The following PDE4D variants were observed in gnomAD, a reference collection of about 807,000 sequenced individuals.
PDE4D encodes phosphodiesterase 4D.
In PDE4D, 24 loss-of-function variants were observed where a neutral mutation model predicts 87.4. That is an observed-to-expected ratio of 0.27 (90% CI 0.20 to 0.39). PDE4D has a LOEUF of 0.39. PDE4D is among the 10% of genes least tolerant of loss of function. The probability of loss-of-function intolerance (pLI) is 1.00; values close to 1 mark genes in which losing one functional copy is unlikely to be tolerated. For synonymous variants in PDE4D, 384 were observed against 383.2 expected (o/e 1.00, Z -0.02); for missense variants, 714 against 1,041.0 (o/e 0.69, Z 4.32).
At chr5:60,316,801 C>G (rs927287215) in intron 1 of PDE4D, among the ~76,000 whole-genome samples, 1 of 152,110 alleles carries the variant, frequency 6.6e-6, no homozygotes. Context: ...TACTGATTTG[C>G]GTCTGTTGAA....
At chr5:60,073,753 G>A (rs890641537) in intron 2 of PDE4D, among the ~76,000 whole-genome samples, 1 of 152,078 alleles carries the variant, frequency 6.6e-6, no homozygotes. Flanking sequence ...TTCAGTCTGA[G>A]AGAGTGTATA....
At chr5:58,985,726 C>T (rs1746271655) in intron 11 of PDE4D, among the ~76,000 whole-genome samples, 1 of 152,174 alleles carries the variant, frequency 6.6e-6, no homozygotes, top group Non-Finnish European at 1.5e-5. Context: ...TGGCTTGACA[C>T]ATGGATGCTC....
chr5:60,466,488 A>C (rs1054885538), intron 1 of PDE4D, among the ~76,000 whole-genome samples: 1 of 152,204 alleles, frequency 6.6e-6, no homozygotes, highest in Admixed American at 6.5e-5. Flanking sequence ...GGCTCTATTA[A>C]TCTCTCTCTG....
chr5:60,375,708 G>A (rs1165640807), intron 1 of PDE4D, among the ~76,000 whole-genome samples: 1 of 152,106 alleles, frequency 6.6e-6, no homozygotes, highest in Non-Finnish European at 1.5e-5. Flanking sequence ...GAGGGCACAG[G>A]CTACACAAAA....
chr5:60,091,294 T>C (rs565431147), intron 2 of PDE4D, among the ~76,000 whole-genome samples: 1 of 152,130 alleles, frequency 6.6e-6, no homozygotes, highest in South Asian at 2.1e-4. Context: ...GGTAAAAAAG[T>C]ACATAATCCC....
At chr5:60,146,358 C>A (rs1781000919) in intron 2 of PDE4D, among the ~76,000 whole-genome samples, 1 of 152,236 alleles carries the variant, frequency 6.6e-6, no homozygotes, top group Non-Finnish European at 1.5e-5. Flanking sequence ...AGACTTGTGT[C>A]TCCACCATCA....
chr5:60,129,603 C>T (rs1016616038), intron 2 of PDE4D, among the ~76,000 whole-genome samples: 4 of 152,108 alleles, frequency 2.6e-5, no homozygotes, highest in African/African-American at 4.8e-5. Context: ...GCTGGGCCTG[C>T]ACTCATGTCA....
At chr5:60,209,451 T>C (rs1562221269) in intron 1 of PDE4D, among the ~76,000 whole-genome samples, 1 of 152,164 alleles carries the variant, frequency 6.6e-6, no homozygotes, top group Non-Finnish European at 1.5e-5. Flanking sequence ...ACAAACACAC[T>C]AGAATTTTAG....
At chr5:60,363,373 T>C (rs1455362537) in intron 1 of PDE4D, among the ~76,000 whole-genome samples, 1 of 152,176 alleles carries the variant, frequency 6.6e-6, no homozygotes, top group Non-Finnish European at 1.5e-5. Flanking sequence ...CCCTATTCTT[T>C]CCATCCCTTC....
At chr5:59,303,929 T>A (rs1770761732) in intron 1 of PDE4D, among the ~76,000 whole-genome samples, 1 of 152,044 alleles carries the variant, frequency 6.6e-6, no homozygotes, top group African/African-American at 2.4e-5. Flanking sequence ...CTGTGAAGAA[T>A]GATGGTGTTA....
chr5:60,071,145 G>T (rs1441142614), intron 2 of PDE4D, among the ~76,000 whole-genome samples: 1 of 151,684 alleles, frequency 6.6e-6, no homozygotes, highest in Non-Finnish European at 1.5e-5. Context: ...CCAATTCCTA[G>T]TTGTCTTATT....
At chr5:59,633,971 T>C (rs1032889385) in intron 1 of PDE4D, among the ~76,000 whole-genome samples, 1 of 152,094 alleles carries the variant, frequency 6.6e-6, no homozygotes, top group East Asian at 1.9e-4. Flanking sequence ...GACCCATCAA[T>C]GTGCTGTATT....
At chr5:60,032,900 A>T (rs1767397198) in intron 2 of PDE4D, 1 of 152,204 alleles carries the variant, frequency 6.6e-6, no homozygotes, top group Non-Finnish European at 1.5e-5. Context: ...TACTTTGAAG[A>T]ACTGCAGTTC....
At chr5:60,316,279 C>T (rs760495772) in intron 1 of PDE4D, among the ~76,000 whole-genome samples, 48 of 152,020 alleles carry the variant, frequency 3.2e-4, no homozygotes, top group Non-Finnish European at 6.2e-4. Context: ...TGATTTGGCT[C>T]TCTGTTTGTC....
chr5:60,304,330 G>A (rs566754678), intron 1 of PDE4D, among the ~76,000 whole-genome samples: 28 of 152,286 alleles, frequency 1.8e-4, no homozygotes, highest in African/African-American at 6.0e-4. Context: ...GTCTGCAGAG[G>A]TAGAGCCTTT....
intron 1 of PDE4D, among the ~76,000 whole-genome samples, chr5:59,839,320 T>G (rs774110882): frequency 6.6e-6 from 1 of 151,892 alleles, no homozygotes; most frequent in African/African-American, 2.4e-5. Context: ...CAATATTTAA[T>G]TGGCTCATCC....
At chr5:60,104,166 G>A (rs554481356) in intron 2 of PDE4D, among the ~76,000 whole-genome samples, 6 of 152,274 alleles carry the variant, frequency 3.9e-5, no homozygotes, top group African/African-American at 4.8e-5. Flanking sequence ...CAAATACTGC[G>A]CTTTTCCCAC....
At chr5:59,660,972 A>G (rs542328928) in intron 1 of PDE4D, among the ~76,000 whole-genome samples, 5 of 151,430 alleles carry the variant, frequency 3.3e-5, no homozygotes, top group Admixed American at 2.6e-4. Context: ...TGGCCAGTCT[A>G]TTTTATGGCT....
Position 58,972,959 on chromosome 5 carries a change from AAAG to A in PDE4D, c.*1702_*1704del, listed in dbSNP as rs924384790. 1 of 152,186 alleles carries A rather than the reference AAAG, an allele frequency of 6.6e-6. No homozygotes were observed. The highest frequency in any genetic ancestry group is 2.4e-5 in the African/African-American group (1 of 41,458). The allele number at this position is 152,186 out of a possible 1,614,324, so 9.4% of individuals were successfully genotyped here. On this transcript the variant is annotated 3_prime_UTR_variant, in exon 15 of 15. Coordinates refer to ENST00000340635, the MANE Select transcript of PDE4D (RefSeq NM_001104631.2). Reference sequence around the variant, plus strand: ...TCATCTTCTTTCCCTCCATGTGTTTAAAGAAGTAGTTCCCCTCTGCAAGATATG... The same window carrying A: ...TCATCTTCTTTCCCTCCATGTGTTTAAAGTAGTTCCCCTCTGCAAGATATG...
Sources: gnomAD v4.1 joint callset for allele counts (sites outside exome capture counted in the v4.1 genomes callset) on GRCh38, gnomAD v4.1.1 for gene constraint, MANE v1.5 for transcripts, NCBI Gene and HGNC (gene_info 2026-07-23, HGNC 2026-07-21) for gene names.